Variants in LIN9 observed in about 807,000 individuals in gnomAD.
LIN9 encodes protein lin-9 homolog.
Under a neutral mutation model 78.0 loss-of-function variants are expected in LIN9, and 18 were observed. The observed-to-expected ratio is 0.23, with a 90% confidence interval of 0.16 to 0.34. LIN9 has a LOEUF of 0.34. Ranked by LOEUF, LIN9 falls within the 10% of genes least tolerant of loss-of-function variation. The pLI is 1.00. For synonymous variants in LIN9, 192 were observed against 215.2 expected (o/e 0.89, Z 0.94); for missense variants, 451 against 644.1 (o/e 0.70, Z 3.25).
At chr1:226,240,681 G>A (rs572768965) in intron 11 of LIN9, among the ~76,000 whole-genome samples, 3 of 151,894 alleles carry the variant, frequency 2.0e-5, no homozygotes, top group South Asian at 2.1e-4. Flanking sequence ...GAGCCACCGC[G>A]CCTGGCCTGT....
chr1:226,308,973 A>T, intron 1 of LIN9, 136 bp downstream of exon 1: 2 of 807,742 alleles, frequency 2.5e-6, no homozygotes, highest in Non-Finnish European at 3.4e-6. Context: ...CCGGAGTGGG[A>T]GGACTAGGGG....
At chr1:226,259,566 A>G (rs1180531856) in intron 10 of LIN9, among the ~76,000 whole-genome samples, 2 of 152,214 alleles carry the variant, frequency 1.3e-5, no homozygotes, top group Admixed American at 6.5e-5. Context: ...ACCTTAACAA[A>G]ATTAAAACAA....
At chr1:226,256,185 C>T (rs982106396) in intron 10 of LIN9, among the ~76,000 whole-genome samples, 5 of 151,800 alleles carry the variant, frequency 3.3e-5, no homozygotes, top group Non-Finnish European at 7.4e-5. Context: ...CAGCTCGAGA[C>T]CAGCCTGGAC....
chr1:226,237,040 C>T (rs1301070451), intron 12 of LIN9, among the ~76,000 whole-genome samples: 1 of 152,102 alleles, frequency 6.6e-6, no homozygotes, highest in Non-Finnish European at 1.5e-5. Context: ...ATGGTGTTCT[C>T]TCTGATATGT....
At chr1:226,308,656 G>C (rs1663077757) in intron 1 of LIN9, 1 of 152,672 alleles carries the variant, frequency 6.5e-6, no homozygotes, top group East Asian at 1.9e-4. Flanking sequence ...GCAAGAAGAA[G>C]GGGCCGTGGA....
At chr1:226,286,801 T>C (rs760786266) in intron 5 of LIN9, among the ~76,000 whole-genome samples, 7 of 152,198 alleles carry the variant, frequency 4.6e-5, no homozygotes, top group Non-Finnish European at 1.0e-4. Flanking sequence ...AGGAATACCA[T>C]CACCAAGGAG....
chr1:226,293,672 C>G (rs1348857544), intron 4 of LIN9, among the ~76,000 whole-genome samples: 1 of 152,184 alleles, frequency 6.6e-6, no homozygotes, highest in African/African-American at 2.4e-5. Context: ...CTCTGCCTCC[C>G]AGGTTCAAGT....
At position 226,231,260 on chromosome 1, in the gene LIN9, TA is replaced by T. The variant is rs1328476483; in HGVS notation, c.*1240del. 2 of 152,592 alleles carry T rather than the reference TA, an allele frequency of 1.3e-5. No homozygotes were observed. Among genetic ancestry groups the T allele is most frequent in the Non-Finnish European group, 2.9e-5 (2 of 68,014 alleles). The allele number at this position is 152,592 out of a possible 1,614,324, so 9.5% of individuals were successfully genotyped here. A position where few individuals can be genotyped will look rare whatever the true frequency, so the allele number is the denominator to read the frequency against. ...GTTTAGCTAAATATAAACTCTGCAC[TA>T]AAGTTCTGCAGTGGCACAATACCAA... On this transcript the variant is annotated 3_prime_UTR_variant, in exon 15 of 15. Coordinates refer to ENST00000681046, the MANE Select transcript of LIN9 (RefSeq NM_001366245.2).
chr1:226,282,892 T>A (rs1212749674), intron 6 of LIN9, among the ~76,000 whole-genome samples: 1 of 152,172 alleles, frequency 6.6e-6, no homozygotes, highest in Non-Finnish European at 1.5e-5. Flanking sequence ...CCATTATGAG[T>A]AAAATGGAAT....
At chr1:226,237,412 C>T (rs531754290) in intron 12 of LIN9, among the ~76,000 whole-genome samples, 1 of 152,178 alleles carries the variant, frequency 6.6e-6, no homozygotes, top group South Asian at 2.1e-4. Flanking sequence ...GCAGGCGGAT[C>T]ACCTGAGGTC....
Position 226,231,487 on chromosome 1 carries a change from G to A in LIN9, c.*1014C>T, listed in dbSNP as rs545823065. On this transcript the variant is annotated 3_prime_UTR_variant, in exon 15 of 15. Coordinates refer to ENST00000681046, the MANE Select transcript of LIN9 (RefSeq NM_001366245.2). ...TGAGTTTATAATATTCTATTAAAACGAAGAAAATTCCAAATACATACTTTT... is the reference window on the plus strand; with the variant it reads ...TGAGTTTATAATATTCTATTAAAACAAAGAAAATTCCAAATACATACTTTT... 9 of 152,466 alleles carry A rather than the reference G, an allele frequency of 5.9e-5. No homozygotes were observed. Among genetic ancestry groups the A allele is most frequent in the South Asian group, 2.1e-4 (1 of 4,808 alleles). The allele number at this position is 152,466 out of a possible 1,614,324, so 9.4% of individuals were successfully genotyped here.
intron 11 of LIN9, among the ~76,000 whole-genome samples, chr1:226,247,357 G>C (rs1658550273): frequency 6.6e-6 from 1 of 151,738 alleles, no homozygotes; most frequent in Non-Finnish European, 1.5e-5. Flanking sequence ...ATTGTGTCTT[G>C]AATTTAAATT....
At chr1:226,277,678 A>T in intron 7 of LIN9, 97 bp downstream of exon 7, 1 of 1,063,408 alleles carries the variant, frequency 9.4e-7, no homozygotes, top group Non-Finnish European at 1.4e-6. Flanking sequence ...ATTTCTTGGT[A>T]ATTAAAAATG....
At chr1:226,283,243 C>T (rs1384279628) in intron 6 of LIN9, among the ~76,000 whole-genome samples, 1 of 151,320 alleles carries the variant, frequency 6.6e-6, no homozygotes, top group Non-Finnish European at 1.5e-5. Context: ...ACTCCCACCT[C>T]AGCCTCCTGA....
Position 226,249,723 on chromosome 1 carries a change from C to T in LIN9, c.1119+1116G>A, listed in dbSNP as rs533770972. 1.1e-4 allele frequency among the ~76,000 whole-genome samples: 17 copies of T among 152,290 alleles called. 1 individual carries two copies. In the South Asian group the frequency reaches 2.1e-3, roughly 19 times the overall value. On this transcript the variant is annotated intron_variant, in intron 11 of 14. Transcript: ENST00000681046. ...CCCCTTGAGCACAGTCAGAGCCCTC[C>T]CTTTCAGACTTCTATACAGTCATTT...
chr1:226,275,255 T>A (rs1027350260), intron 7 of LIN9, among the ~76,000 whole-genome samples: 1 of 152,242 alleles, frequency 6.6e-6, no homozygotes, highest in Non-Finnish European at 1.5e-5. Context: ...TTCTTTTGAT[T>A]TTTTTCAACC....
chr1:226,232,008 TTC>T lies in LIN9; in HGVS notation c.*491_*492del, dbSNP rs1475271245. 3 of 397,660 alleles carry T rather than the reference TTC, an allele frequency of 7.5e-6. No homozygotes were observed. Among genetic ancestry groups the T allele is most frequent in the Non-Finnish European group, 1.3e-5 (3 of 225,548 alleles). The allele number at this position is 397,660 out of a possible 1,614,324, so 24.6% of individuals were successfully genotyped here. A position where few individuals can be genotyped will look rare whatever the true frequency, so the allele number is the denominator to read the frequency against. On this transcript the variant is annotated 3_prime_UTR_variant, in exon 15 of 15. Coordinates refer to ENST00000681046, the MANE Select transcript of LIN9 (RefSeq NM_001366245.2). ...TCAGTGGTTTCCTTAAAACTAGGACTTCCCACACCTCATGATGTTATCTTTTG... is the reference window on the plus strand; with the variant it reads ...TCAGTGGTTTCCTTAAAACTAGGACTCCACACCTCATGATGTTATCTTTTG...
Position 226,295,409 on chromosome 1 carries a change from A to G in LIN9, c.264+433T>C, listed in dbSNP as rs938261974. Reference sequence around the variant, plus strand: ...AGTAGCAGTAAGCCGAGATCACGCCACTGTACTCCAGCCTGGGCGACAGAG... The same window carrying G: ...AGTAGCAGTAAGCCGAGATCACGCCGCTGTACTCCAGCCTGGGCGACAGAG... On this transcript the variant is annotated intron_variant, in intron 4 of 14. Transcript: ENST00000681046. Among the ~76,000 whole-genome samples the G allele has an allele frequency of 3.3e-5, 5 of 152,124 alleles. No individual in the cohort carries two copies. In the East Asian group the frequency reaches 5.8e-4, roughly 18 times the overall value.
intron 6 of LIN9, among the ~76,000 whole-genome samples, chr1:226,283,220 G>A (rs985910398): frequency 6.6e-6 from 1 of 151,278 alleles, no homozygotes; most frequent in Non-Finnish European, 1.5e-5. Context: ...TCAACATCCA[G>A]AGCTCAAGCG....
Sources: allele counts gnomAD v4.1 joint callset (sites outside exome capture counted in the v4.1 genomes callset), GRCh38; gene constraint gnomAD v4.1.1; transcripts MANE v1.5; gene names NCBI Gene and HGNC (gene_info 2026-07-23, HGNC 2026-07-21).